Variants in PPP1R12B observed in about 807,000 individuals in gnomAD.
PPP1R12B encodes the protein myosin phosphatase target subunit 2.
PPP1R12B carries 76 observed loss-of-function variants against 126.1 expected under a neutral mutation model. The ratio of observed to expected loss-of-function variants is 0.60; its 90% CI spans 0.50 to 0.73. The LOEUF (loss-of-function observed/expected upper bound fraction) is 0.73, where lower values mean the gene tolerates loss of function less well. PPP1R12B is among the 30% of genes least tolerant of loss of function. The pLI is 0.00. For missense variants in PPP1R12B, 1,052 were observed against 1,205.1 expected, an observed-to-expected ratio of 0.87 and a Z score of 1.88; for synonymous variants, 356 against 434.7, an observed-to-expected ratio of 0.82 and a Z score of 2.25.
intron 1 of PPP1R12B, among the ~76,000 whole-genome samples, chr1:202,376,008 T>G (rs1661124878): frequency 1.3e-5 from 2 of 152,214 alleles, no homozygotes; most frequent in South Asian, 4.1e-4. Flanking sequence ...GCAGTATCTA[T>G]TAAGTCTTAG....
chr1:202,408,324 C>A (rs1666908042), intron 1 of PPP1R12B, among the ~76,000 whole-genome samples: 1 of 152,168 alleles, frequency 6.6e-6, no homozygotes, highest in Admixed American at 6.5e-5. Context: ...TTAGTTCTTT[C>A]AGGGTTTTGC....
At chr1:202,536,762 CT>C (rs918958540) in intron 18 of PPP1R12B, among the ~76,000 whole-genome samples, 1 of 151,760 alleles carries the variant, frequency 6.6e-6, no homozygotes, top group African/African-American at 2.4e-5. Flanking sequence ...AATCTATAAG[CT>C]TTTATCTGTT....
chr1:202,496,276 A>G (rs913265144), intron 17 of PPP1R12B, among the ~76,000 whole-genome samples: 6 of 152,338 alleles, frequency 3.9e-5, no homozygotes, highest in South Asian at 2.1e-4. Flanking sequence ...ATCCTCTTCC[A>G]TATCTTGTTC....
At chr1:202,365,031 A>G (rs1449856596) in intron 1 of PPP1R12B, among the ~76,000 whole-genome samples, 3 of 152,252 alleles carry the variant, frequency 2.0e-5, no homozygotes, top group African/African-American at 7.2e-5. Flanking sequence ...TTTTAAAACA[A>G]AAAACAATTA....
At chr1:202,434,592 G>T (rs997749779) in intron 8 of PPP1R12B, 64 bp from the exon 9 acceptor site, 4 of 1,563,000 alleles carry the variant, frequency 2.6e-6, no homozygotes, top group African/African-American at 1.4e-5. Context: ...AGCAGAAAAG[G>T]ACATAGACAC....
chr1:202,541,569 C>A (rs750899640), intron 18 of PPP1R12B, among the ~76,000 whole-genome samples: 71 of 152,140 alleles, frequency 4.7e-4, no homozygotes, highest in Non-Finnish European at 6.0e-4. Flanking sequence ...AAACTGAACA[C>A]CTTACTTCAG....
At chr1:202,546,725 G>C (rs1277968412) in intron 18 of PPP1R12B, among the ~76,000 whole-genome samples, 7 of 152,202 alleles carry the variant, frequency 4.6e-5, no homozygotes, top group African/African-American at 1.7e-4. Flanking sequence ...GGGACATTCA[G>C]ATAGTGATTT....
intron 1 of PPP1R12B, among the ~76,000 whole-genome samples, chr1:202,386,745 T>G (rs1181158754): frequency 1.3e-5 from 2 of 152,206 alleles, no homozygotes; most frequent in African/African-American, 2.4e-5. Flanking sequence ...TTTTGTTGTT[T>G]TTTTTTTCTC....
Position 202,434,672 on chromosome 1 carries a change from C to T in PPP1R12B, c.1158C>T (p.Ala386=), listed in dbSNP as rs1251913244. Residue 386 remains alanine, a synonymous_variant, in exon 9 of 24, where the codon GCC becomes GCT. Coordinates refer to ENST00000608999, the MANE Select transcript of PPP1R12B (RefSeq NM_002481.4). ...AAATAACAGATAAAAAGCCAGAAGC[C>T]TTTGTCAATCATTCCAACTCTGAAA... The part of the protein sequence containing the change: ...TEKEADKKPE[A]FVNHSNSESK... 1 of 1,611,868 alleles carries T rather than the reference C, an allele frequency of 6.2e-7. No homozygotes were observed. The highest frequency in any genetic ancestry group is 1.3e-5 in the African/African-American group (1 of 74,866).
At chr1:202,541,620 G>C (rs1163679011) in intron 18 of PPP1R12B, among the ~76,000 whole-genome samples, 1 of 152,130 alleles carries the variant, frequency 6.6e-6, no homozygotes, top group African/African-American at 2.4e-5. Context: ...ATACTGAGTA[G>C]TACCTTTAGT....
chr1:202,435,892 A>G (rs1572006163), intron 9 of PPP1R12B, among the ~76,000 whole-genome samples: 1 of 152,344 alleles, frequency 6.6e-6, no homozygotes, highest in East Asian at 1.9e-4. Flanking sequence ...ACTCATATTC[A>G]GTCATTTAGG....
At chr1:202,367,717 A>C (rs1025104858) in intron 1 of PPP1R12B, among the ~76,000 whole-genome samples, 2 of 152,104 alleles carry the variant, frequency 1.3e-5, no homozygotes, top group Admixed American at 1.3e-4. Context: ...CATTTTTTTA[A>C]ATTGAGGTAA....
At chr1:202,548,806 C>A (rs868432300) in intron 18 of PPP1R12B, among the ~76,000 whole-genome samples, 2,378 of 75,464 alleles carry the variant, frequency 0.032, 17 homozygotes, top group African/African-American at 0.044. Context: ...CTCTCTCTCT[C>A]TCTATATATA....
At chr1:202,402,332 T>C (rs2148565774) in intron 1 of PPP1R12B, among the ~76,000 whole-genome samples, 1 of 152,362 alleles carries the variant, frequency 6.6e-6, no homozygotes, top group Admixed American at 6.5e-5. Context: ...GAGTGGAATC[T>C]AACTCTTCTA....
At position 202,491,340 on chromosome 1, in the gene PPP1R12B, G is replaced by A. The variant is rs544871833; in HGVS notation, c.1942-1774G>A. Among the ~76,000 whole-genome samples, 37 of 152,118 alleles carry A rather than the reference G, an allele frequency of 2.4e-4. 1 individual carries two copies. In the South Asian group the frequency reaches 6.4e-3, roughly 26 times the overall value. On this transcript the variant is annotated intron_variant, in intron 14 of 23. Coordinates refer to ENST00000608999, the MANE Select transcript of PPP1R12B (RefSeq NM_002481.4). The stretch of plus-strand genomic sequence containing the variant: ...ATTTTTGTATTTTTAGTAGAGACAG[G>A]GTTTCACCATGTTAGCCAGGCTGGT...
At chr1:202,377,988 G>A (rs1243865092) in intron 1 of PPP1R12B, among the ~76,000 whole-genome samples, 1 of 151,330 alleles carries the variant, frequency 6.6e-6, no homozygotes, top group Non-Finnish European at 1.5e-5. Flanking sequence ...ACAGGCGCCC[G>A]CCACCTCGCC....
chr1:202,368,160 AG>A (rs1259615612), intron 1 of PPP1R12B, among the ~76,000 whole-genome samples: 1 of 152,018 alleles, frequency 6.6e-6, no homozygotes, highest in Non-Finnish European at 1.5e-5. Flanking sequence ...TAGTAGAAAC[AG>A]GGTTTCACCA....
Position 202,470,326 on chromosome 1 carries a change from ATGAACT to A in PPP1R12B, c.1851-18206_1851-18201del, listed in dbSNP as rs1167633144. Among the ~76,000 whole-genome samples the A allele has an allele frequency of 2.8e-4, 43 of 152,316 alleles. 1 individual carries two copies. The South Asian group carries it at 8.1e-3, about 29-fold the overall frequency. The stretch of plus-strand genomic sequence containing the variant: ...GAGTACCTGTGCTTTCTATATCACT[ATGAACT>A]ATGGTAATAAAAAAAAGTGTGAAAT... On this transcript the variant is annotated intron_variant, in intron 13 of 23. Coordinates refer to ENST00000608999, the MANE Select transcript of PPP1R12B (RefSeq NM_002481.4).
chr1:202,513,054 A>C (rs1313088613), intron 18 of PPP1R12B, among the ~76,000 whole-genome samples: 1 of 152,110 alleles, frequency 6.6e-6, no homozygotes, highest in Non-Finnish European at 1.5e-5. Context: ...TGTCACTGCA[A>C]CCTCCACCTC....
Sources: allele counts gnomAD v4.1 joint callset (sites outside exome capture counted in the v4.1 genomes callset), GRCh38; gene constraint gnomAD v4.1.1; transcripts MANE v1.5; gene names NCBI Gene and HGNC (gene_info 2026-07-23, HGNC 2026-07-21).